The following GIGYF2 variants were observed in gnomAD, a reference collection of about 807,000 sequenced individuals.
GIGYF2 encodes GRB10-interacting GYF protein 2.
Under a neutral mutation model 208.1 loss-of-function variants are expected in GIGYF2, and 25 were observed. That is an observed-to-expected ratio of 0.12 (90% CI 0.09 to 0.17). The LOEUF (loss-of-function observed/expected upper bound fraction) is 0.17. Ranked by LOEUF, GIGYF2 falls within the 10% of genes least tolerant of loss-of-function variation. The pLI, the probability that GIGYF2 is intolerant of heterozygous loss-of-function variation, is 1.00. For missense variants in GIGYF2, 1,302 were observed against 1,579.4 expected, an observed-to-expected ratio of 0.82 and a Z score of 2.98; for synonymous variants, 534 against 543.8, an observed-to-expected ratio of 0.98 and a Z score of 0.25.
intron 5 of GIGYF2, among the ~76,000 whole-genome samples, chr2:232,752,022 G>C (rs1385632142): frequency 1.3e-5 from 2 of 152,162 alleles, no homozygotes; most frequent in South Asian, 2.1e-4. Context: ...TCTGTATTCT[G>C]TGATCACAGC....
At chr2:232,786,311 T>C (rs1699906114) in intron 8 of GIGYF2, among the ~76,000 whole-genome samples, 1 of 152,164 alleles carries the variant, frequency 6.6e-6, no homozygotes, top group Non-Finnish European at 1.5e-5. Flanking sequence ...GATCTCTGCT[T>C]ACCGCGACCT....
intron 2 of GIGYF2, among the ~76,000 whole-genome samples, chr2:232,704,943 T>C (rs1488696327): frequency 2.2e-5 from 3 of 137,718 alleles, no homozygotes; most frequent in Non-Finnish European, 4.6e-5. Context: ...CACTGCAAGC[T>C]CCGCCTCCCG....
chr2:232,758,196 T>G (rs1472594086), intron 6 of GIGYF2, among the ~76,000 whole-genome samples: 1 of 152,218 alleles, frequency 6.6e-6, no homozygotes, highest in Non-Finnish European at 1.5e-5. Flanking sequence ...TTGTGGCTTT[T>G]CTTTGTATAG....
chr2:232,713,015 C>T (rs11687379), intron 2 of GIGYF2, among the ~76,000 whole-genome samples: 25,054 of 151,854 alleles, frequency 0.16, 2,604 homozygotes, highest in Non-Finnish European at 0.22. Context: ...GTCTGTTGAG[C>T]GCTTGAGATG....
intron 21 of GIGYF2, among the ~76,000 whole-genome samples, chr2:232,830,857 A>G (rs1701406773): frequency 6.6e-6 from 1 of 152,178 alleles, no homozygotes; most frequent in Non-Finnish European, 1.5e-5. Flanking sequence ...AAAAGAGAAT[A>G]TCATATTACA....
At position 232,844,199 on chromosome 2, in the gene GIGYF2, A is replaced by AAGC. The variant is rs751210729; in HGVS notation, c.3063_3065dup (p.Gln1022dup). On this transcript the variant is annotated inframe_insertion, in exon 24 of 29. Coordinates refer to ENST00000373563, the MANE Select transcript of GIGYF2 (RefSeq NM_001103146.3). The stretch of plus-strand genomic sequence containing the variant: ...GCAGGAAGAGGCCAGGCAAATGCAA[A>AAGC]AGCAGCAGCAGCAGCAGCAGCAACA... 2.6e-3 allele frequency: 4,091 copies of AAGC among 1,561,542 alleles called. 55 individuals carry two copies. In the African/African-American group the frequency reaches 0.045, roughly 17 times the overall value.
In GIGYF2 at chr2:232,806,640, G is replaced by C. The variant is rs1700570593; in HGVS notation, c.1789G>C (p.Ala597Pro). 2 of 1,611,806 alleles carry C rather than the reference G, an allele frequency of 1.2e-6. No homozygotes were observed. The highest frequency in any genetic ancestry group is 1.7e-6 in the Non-Finnish European group (2 of 1,177,926). ...WGRVPFSPGP[A>P]PPPHMGELDQ... ...AAGGGTTCCCTTTTCTCCAGGTCCA[G>C]CTCCCCCTCCTCATATGGTAAGTAC... Residue 597 changes from alanine (A) to proline (P), a missense_variant, in exon 15 of 29, where the codon GCT becomes CCT. By Grantham distance (27) the Ala-to-Pro change is conservative. This residue lies in a region of GIGYF2 where 701 missense variants were observed against 793.0 expected (regional missense o/e 0.88). Coordinates refer to ENST00000373563, the MANE Select transcript of GIGYF2 (RefSeq NM_001103146.3). The surrounding 1 kb of genome is among the most constrained non-coding windows in gnomAD (Gnocchi z 4.0).
chr2:232,779,436 A>C (rs939254134), intron 8 of GIGYF2, among the ~76,000 whole-genome samples: 2 of 152,186 alleles, frequency 1.3e-5, no homozygotes, highest in Non-Finnish European at 2.9e-5. Context: ...AGAACAGTAA[A>C]ATCTTCAGTT....
At chr2:232,722,600 C>G (rs1376502695) in intron 2 of GIGYF2, 2 of 152,124 alleles carry the variant, frequency 1.3e-5, no homozygotes, top group Non-Finnish European at 2.9e-5. Flanking sequence ...TGGAGACTGG[C>G]ACAGAACAAG....
At chr2:232,823,382 T>A (rs1281358323) in intron 21 of GIGYF2, among the ~76,000 whole-genome samples, 9 of 148,238 alleles carry the variant, frequency 6.1e-5, no homozygotes, top group Non-Finnish European at 4.5e-5. Flanking sequence ...TTTTTTTTTT[T>A]ATTGAGATGG....
chr2:232,849,311 C>T (rs567840222), intron 27 of GIGYF2, among the ~76,000 whole-genome samples: 7 of 151,990 alleles, frequency 4.6e-5, no homozygotes, highest in South Asian at 4.2e-4. Context: ...ACTACAGGCA[C>T]GCACCACCAT....
intron 2 of GIGYF2, chr2:232,729,821 C>G (rs535370139): frequency 2.7e-6 from 2 of 745,590 alleles, no homozygotes; most frequent in Non-Finnish European, 5.0e-6. Context: ...TTCTTCGATT[C>G]ATATTGTGGA....
At chr2:232,774,973 C>G (rs890246483) in intron 8 of GIGYF2, among the ~76,000 whole-genome samples, 1 of 152,002 alleles carries the variant, frequency 6.6e-6, no homozygotes. Context: ...AGGCTCTTTA[C>G]AATTGTATTT....
intron 6 of GIGYF2, chr2:232,760,257 A>G (rs1485266205): frequency 3.9e-6 from 2 of 506,680 alleles, no homozygotes; most frequent in Non-Finnish European, 7.1e-6. Context: ...ATTGCATTAT[A>G]TTATGTTAGT....
At chr2:232,716,566 T>C (rs1696691413) in intron 2 of GIGYF2, among the ~76,000 whole-genome samples, 1 of 151,878 alleles carries the variant, frequency 6.6e-6, no homozygotes, top group Non-Finnish European at 1.5e-5. Flanking sequence ...GCATTTTTAG[T>C]AGTAATGGGG....
At chr2:232,808,269 T>G (rs531982849) in intron 15 of GIGYF2, among the ~76,000 whole-genome samples, 2 of 152,366 alleles carry the variant, frequency 1.3e-5, no homozygotes, top group South Asian at 4.1e-4. Context: ...TTAAGCCTTA[T>G]TTCCCTTCTC....
chr2:232,781,321 C>CACACACA (rs1054268008), intron 8 of GIGYF2, among the ~76,000 whole-genome samples: 1 of 149,736 alleles, frequency 6.7e-6, no homozygotes, highest in East Asian at 2.0e-4. Context: ...CACACACACA[C>CACACACA]AACTTATAAA....
At chr2:232,709,906 A>C (rs1413123858) in intron 2 of GIGYF2, among the ~76,000 whole-genome samples, 1 of 152,080 alleles carries the variant, frequency 6.6e-6, no homozygotes, top group Non-Finnish European at 1.5e-5. Context: ...TGCTGGGATT[A>C]GAGATCTGAG....
In GIGYF2 at chr2:232,815,746, C is replaced by G. The variant is rs773583857; in HGVS notation, c.2208+9C>G. 1 of 1,390,986 alleles carries G rather than the reference C, an allele frequency of 7.2e-7. No individual in the cohort carries two copies. Among genetic ancestry groups the G allele is most frequent in the Admixed American group, 1.7e-5 (1 of 59,658 alleles). 86.2% of individuals were successfully genotyped at this position (1,390,986 alleles called of 1,614,324 possible). A position where few individuals can be genotyped will look rare whatever the true frequency, so the allele number is the denominator to read the frequency against. On this transcript the variant is annotated intron_variant, in intron 19 of 28. Transcript: ENST00000373563. Reference sequence around the variant, plus strand: ...AGGCCAAAGCTGCAAAGGTCTGAAACTCATTCTTCTGCAACAGTGCATTGT... The same window carrying G: ...AGGCCAAAGCTGCAAAGGTCTGAAAGTCATTCTTCTGCAACAGTGCATTGT...
Sources: allele counts gnomAD v4.1 joint callset (sites outside exome capture counted in the v4.1 genomes callset), GRCh38; gene constraint gnomAD v4.1.1; regional missense constraint gnomAD v4.1.1; non-coding constraint Gnocchi (gnomAD v3.1); transcripts MANE v1.5; gene names NCBI Gene and HGNC (gene_info 2026-07-23, HGNC 2026-07-21).